The following TENM3 variants were observed in gnomAD, a reference collection of about 807,000 sequenced individuals.
TENM3 encodes the protein teneurin transmembrane protein 3, also known as teneurin-3.
Under a neutral mutation model 255.1 loss-of-function variants are expected in TENM3, and 63 were observed. The observed-to-expected ratio is 0.25, with a 90% confidence interval of 0.20 to 0.30. The LOEUF (loss-of-function observed/expected upper bound fraction) is 0.30. Ranked by LOEUF, TENM3 falls within the 10% of genes least tolerant of loss-of-function variation. The pLI is 1.00. For missense variants in TENM3, 2,929 were observed against 3,461.1 expected, an observed-to-expected ratio of 0.85 and a Z score of 3.86; for synonymous variants, 1,306 against 1,322.3, an observed-to-expected ratio of 0.99 and a Z score of 0.27.
the TENM3 span, among the ~76,000 whole-genome samples, chr4:181,798,853 T>C: frequency 1.3e-5 from 2 of 152,224 alleles, no homozygotes; most frequent in Non-Finnish European, 2.9e-5. Flanking sequence ...TTAACAAATG[T>C]AGTTTTAATT....
chr4:181,459,929 C>T, the TENM3 span, among the ~76,000 whole-genome samples: 1 of 151,876 alleles, frequency 6.6e-6, no homozygotes, highest in African/African-American at 2.4e-5. Context: ...TATTGAGTCT[C>T]CTGATCATGG....
At chr4:181,827,474 T>C in the TENM3 span, among the ~76,000 whole-genome samples, 3 of 152,114 alleles carry the variant, frequency 2.0e-5, no homozygotes, top group Non-Finnish European at 4.4e-5. Context: ...ACACAAAAGA[T>C]TTGCATACAC....
At chr4:181,992,230 A>G in the TENM3 span, among the ~76,000 whole-genome samples, 3 of 152,334 alleles carry the variant, frequency 2.0e-5, no homozygotes, top group South Asian at 6.2e-4. Flanking sequence ...TCTTGCACTC[A>G]ATTTATCTCC....
At chr4:182,570,475 C>A (rs1288018712) in intron 3 of TENM3, among the ~76,000 whole-genome samples, 1 of 152,196 alleles carries the variant, frequency 6.6e-6, no homozygotes, top group Non-Finnish European at 1.5e-5. Context: ...ATATTTAGCT[C>A]TGTGGAAAAT....
the TENM3 span, among the ~76,000 whole-genome samples, chr4:181,576,530 C>T: frequency 6.6e-6 from 1 of 152,144 alleles, no homozygotes; most frequent in Non-Finnish European, 1.5e-5. Context: ...TACTAATTTA[C>T]ATTCCACCAG....
chr4:181,605,573 A>AAAGAGG, the TENM3 span, among the ~76,000 whole-genome samples: 1 of 28,572 alleles, frequency 3.5e-5, no homozygotes, highest in Non-Finnish European at 1.0e-4. Flanking sequence ...AAAGAAAGAG[A>AAAGAGG]GAGAAAGAAA....
the TENM3 span, among the ~76,000 whole-genome samples, chr4:182,072,944 G>A: frequency 1.3e-5 from 2 of 152,180 alleles, no homozygotes; most frequent in Admixed American, 6.5e-5. Flanking sequence ...TAAGGGTGAA[G>A]CCCTAATCCA....
intron 3 of TENM3, among the ~76,000 whole-genome samples, chr4:182,393,235 A>G (rs545540558): frequency 1.3e-5 from 2 of 152,348 alleles, no homozygotes; most frequent in South Asian, 2.1e-4. Context: ...AACAGTGTTT[A>G]GTTCAATATG....
chr4:181,837,331 A>G, the TENM3 span, among the ~76,000 whole-genome samples: 2 of 152,206 alleles, frequency 1.3e-5, no homozygotes, highest in African/African-American at 2.4e-5. Context: ...GTTTTGCATC[A>G]TATTGTCCTT....
the TENM3 span, among the ~76,000 whole-genome samples, chr4:181,923,540 A>G: frequency 6.6e-6 from 1 of 152,196 alleles, no homozygotes. Flanking sequence ...TTTCTTTAAG[A>G]AATTTTTATT....
At chr4:181,515,445 C>T in the TENM3 span, among the ~76,000 whole-genome samples, 2 of 152,030 alleles carry the variant, frequency 1.3e-5, no homozygotes, top group Non-Finnish European at 1.5e-5. Flanking sequence ...AGATCTGCCA[C>T]AAATACCCAG....
chr4:182,067,194 G>A, the TENM3 span, among the ~76,000 whole-genome samples: 1 of 152,086 alleles, frequency 6.6e-6, no homozygotes, highest in East Asian at 1.9e-4. Flanking sequence ...CTCCTTTCAG[G>A]AACTTTTAGA....
intron 1 of TENM3, among the ~76,000 whole-genome samples, chr4:182,231,022 C>G (rs1181376868): frequency 6.6e-6 from 1 of 151,394 alleles, no homozygotes; most frequent in East Asian, 2.0e-4. Flanking sequence ...AGCTCCCAGG[C>G]CCAAGCTTGT....
the TENM3 span, among the ~76,000 whole-genome samples, chr4:181,620,644 A>C: frequency 1.7e-4 from 26 of 151,276 alleles, no homozygotes; most frequent in Admixed American, 1.7e-3. Context: ...TGAGGAGAAA[A>C]GATTCTCACA....
rs367729405 is a variant in TENM3 at position 182,730,281 on chromosome 4, C to T, written c.2667C>T (p.Tyr889=). Residue 889 remains tyrosine (Y), a synonymous_variant, in exon 15 of 28, where the codon TAC becomes TAT. Coordinates refer to ENST00000511685, the MANE Select transcript of TENM3 (RefSeq NM_001080477.4). ...GAGTAAATGTCTCGTTTTTCCATTA[C>T]CCAGAATATGGATATACTATTACCC... is the stretch of plus-strand genomic sequence containing the variant. ...LIGVNVSFFH[Y]PEYGYTITRQ... The T allele has an allele frequency of 1.3e-5, 21 of 1,613,758 alleles. No homozygotes were observed. The African/African-American group carries it at 2.5e-4, about 19-fold the overall frequency.
rs1322040904 is a variant in TENM3, at chr4:182,688,256, A to G, written c.2126A>G (p.Gln709Arg). 14 of 1,613,838 alleles carry G rather than the reference A, an allele frequency of 8.7e-6. No homozygotes were observed. Among genetic ancestry groups the G allele is most frequent in the African/African-American group, 2.7e-5 (2 of 74,910 alleles). ...EEGWTGPACN[Q>R]RACHPRCAEH... Reference sequence around the variant, plus strand: ...GGCTGGACGGGCCCAGCCTGTAATCAGAGAGCCTGCCACCCCCGCTGTGCC... The same window carrying G: ...GGCTGGACGGGCCCAGCCTGTAATCGGAGAGCCTGCCACCCCCGCTGTGCC... Residue 709 changes from glutamine (Q) to arginine (R), a missense_variant, in exon 12 of 28, where the codon CAG becomes CGG. Physicochemically the swap from Gln to Arg is conservative, Grantham distance 43. Transcript: ENST00000511685.
chr4:181,486,220 A>G, the TENM3 span, among the ~76,000 whole-genome samples: 1 of 152,198 alleles, frequency 6.6e-6, no homozygotes, highest in Non-Finnish European at 1.5e-5. Context: ...TGCAAACCAC[A>G]CACTCTTCTC....
At position 182,789,906 on chromosome 4, in the gene TENM3, C is replaced by G. The variant is rs886954430; in HGVS notation, c.5601+517C>G. ...CTTTCGGGTACTCTGTGGCATCTTT[C>G]CTTTCTTCTACATATAAAAGGTAAG... is the stretch of plus-strand genomic sequence containing the variant. On this transcript the variant is annotated intron_variant, in intron 25 of 27. Transcript: ENST00000511685. This position sits in a 1 kb window ranked among gnomAD's most constrained non-coding sequence, Gnocchi z 4.4. Among the ~76,000 whole-genome samples the G allele has an allele frequency of 1.1e-4, 16 of 152,138 alleles. No homozygotes were observed. The highest frequency in any genetic ancestry group is 2.4e-4 in the Non-Finnish European group (16 of 68,032).
intron 3 of TENM3, among the ~76,000 whole-genome samples, chr4:182,570,534 C>T (rs1050960915): frequency 5.3e-5 from 8 of 152,128 alleles, no homozygotes; most frequent in African/African-American, 9.7e-5. Context: ...ACACCAGTGG[C>T]GGTAGTAAAT....
Sources: allele counts gnomAD v4.1 joint callset (sites outside exome capture counted in the v4.1 genomes callset), GRCh38; gene constraint gnomAD v4.1.1; non-coding constraint Gnocchi (gnomAD v3.1); transcripts MANE v1.5; gene names NCBI Gene and HGNC (gene_info 2026-07-23, HGNC 2026-07-21).